ZFHX3: variants seen among roughly 807,000 people sequenced by gnomAD.
ZFHX3 encodes the protein zinc finger homeobox 3.
A neutral mutation model predicts 279.1 loss-of-function variants in ZFHX3; 42 were observed. The ratio of observed to expected loss-of-function variants is 0.15; its 90% CI spans 0.12 to 0.19. ZFHX3 has a LOEUF of 0.19. Among genes scored for constraint, ZFHX3 ranks in the 10% least tolerant of loss-of-function variants. The probability of loss-of-function intolerance (pLI) is 1.00; values close to 1 mark genes in which losing one functional copy is unlikely to be tolerated. For missense variants in ZFHX3, 4,981 were observed against 4,754.0 expected (o/e 1.05, Z -1.40); for synonymous variants, 2,293 against 1,957.8 (o/e 1.17, Z -4.52).
At chr16:72,805,535 G>A (rs532055418) in intron 7 of ZFHX3, among the ~76,000 whole-genome samples, 1 of 152,034 alleles carries the variant, frequency 6.6e-6, no homozygotes, top group East Asian at 1.9e-4. Flanking sequence ...CACAGACCAA[G>A]CCAGTCTCTA....
chr16:72,957,885 ATGT>A lies in ZFHX3; in HGVS notation c.2258_2260del (p.Asn753del). The A allele has an allele frequency of 6.2e-7, 1 of 1,613,970 alleles. No individual in the cohort carries two copies. The highest frequency in any genetic ancestry group is 2.2e-5 in the East Asian group (1 of 44,860). On this transcript the variant is annotated inframe_deletion, in exon 2 of 10. Coordinates refer to ENST00000268489, the MANE Select transcript of ZFHX3 (RefSeq NM_006885.4). ...CCCCCCTCCATTCTGCAGGTTCTGC[ATGT>A]TGTTGAGATGCTTGTCAGACTGCAT...
intron 3 of ZFHX3, among the ~76,000 whole-genome samples, chr16:72,908,651 G>A (rs992553901): frequency 6.6e-6 from 1 of 152,162 alleles, no homozygotes; most frequent in African/African-American, 2.4e-5. Context: ...CATCCCCAAT[G>A]CCAACATGAC....
At chr16:73,024,992 G>A (rs1050181425) in intron 1 of ZFHX3, among the ~76,000 whole-genome samples, 2 of 152,166 alleles carry the variant, frequency 1.3e-5, no homozygotes. Flanking sequence ...TCCTGGAGAC[G>A]AGACATTCCT....
At chr16:73,290,750 T>A (rs8044042) in intron 4 of ZFHX3, among the ~76,000 whole-genome samples, 78,388 of 150,484 alleles carry the variant, frequency 0.52, 20,347 homozygotes, top group East Asian at 0.66. Context: ...AAAGAGCCAC[T>A]AAGGTGCTTC....
chr16:72,955,273 T>A (rs527762461), intron 2 of ZFHX3, among the ~76,000 whole-genome samples: 3 of 152,162 alleles, frequency 2.0e-5, no homozygotes, highest in Non-Finnish European at 4.4e-5. Context: ...ATAAATCCTT[T>A]GGGAGGAAGA....
chr16:73,428,303 G>C (rs1191125641), intron 3 of ZFHX3, among the ~76,000 whole-genome samples: 2 of 152,030 alleles, frequency 1.3e-5, no homozygotes, highest in African/African-American at 2.4e-5. Context: ...TACTCCCTTT[G>C]GTCAGGCTAA....
chr16:73,346,131 G>C (rs1032929639), intron 3 of ZFHX3, among the ~76,000 whole-genome samples: 2 of 152,138 alleles, frequency 1.3e-5, no homozygotes, highest in African/African-American at 4.8e-5. Flanking sequence ...TGAGTGTTGA[G>C]AGACCCCCAG....
chr16:72,939,272 C>A (rs1960292894), intron 3 of ZFHX3, among the ~76,000 whole-genome samples: 1 of 152,152 alleles, frequency 6.6e-6, no homozygotes, highest in Non-Finnish European at 1.5e-5. Flanking sequence ...AGAGTACCCT[C>A]CACAGAGCAA....
Position 73,509,893 on chromosome 16 carries a change from A to C in ZFHX3, c.-1546-53635T>G, listed in dbSNP as rs551781321. Among the ~76,000 whole-genome samples the C allele has an allele frequency of 6.6e-5, 10 of 152,152 alleles. 2 individuals are homozygous for C. The highest frequency in any genetic ancestry group is 2.4e-4 in the African/African-American group (10 of 41,514). On this transcript the variant is annotated intron_variant, in intron 2 of 17. Coordinates refer to the ZFHX3 transcript ENST00000641206. ...GCATTTTTAGTAGAGACGAGGTTTC[A>C]CCATGTTGGCCAGGCTGGTCTTGAG...
intron 1 of ZFHX3, among the ~76,000 whole-genome samples, chr16:73,787,874 A>G (rs74028482): frequency 0.014 from 2,152 of 151,828 alleles, 60 homozygotes; most frequent in African/African-American, 0.048. Flanking sequence ...AGAGAGAGAG[A>G]GAGAATGTAG....
intron 1 of ZFHX3, among the ~76,000 whole-genome samples, chr16:73,695,868 C>T (rs1476200607): frequency 5.3e-5 from 8 of 152,042 alleles, no homozygotes; most frequent in African/African-American, 9.7e-5. Context: ...CACCCAGGCT[C>T]GGCAAGAAGG....
chr16:73,292,725 A>G (rs1234293212), intron 4 of ZFHX3, among the ~76,000 whole-genome samples: 4 of 151,816 alleles, frequency 2.6e-5, no homozygotes, highest in African/African-American at 9.7e-5. Context: ...TAAGAAGGGG[A>G]TGGGGTTCTT....
intron 4 of ZFHX3, among the ~76,000 whole-genome samples, chr16:72,842,187 A>G (rs182192596): frequency 6.6e-6 from 1 of 152,144 alleles, no homozygotes; most frequent in Admixed American, 6.5e-5. Flanking sequence ...CCAAACTTTC[A>G]TAAGTGAGCA....
At chr16:73,195,179 C>T (rs1449415263) in intron 5 of ZFHX3, among the ~76,000 whole-genome samples, 1 of 152,126 alleles carries the variant, frequency 6.6e-6, no homozygotes, top group Admixed American at 6.5e-5. Flanking sequence ...TAATTTGCCA[C>T]ATGGAAATTT....
intron 2 of ZFHX3, among the ~76,000 whole-genome samples, chr16:73,523,786 T>C (rs2143711992): frequency 6.6e-6 from 1 of 152,246 alleles, no homozygotes; most frequent in Admixed American, 6.5e-5. Flanking sequence ...ACTCTATCCT[T>C]TATTAAACAA....
At chr16:73,872,780 C>T (rs866024741) in intron 1 of ZFHX3, among the ~76,000 whole-genome samples, 3 of 22,992 alleles carry the variant, frequency 1.3e-4, no homozygotes, top group South Asian at 2.2e-3. Flanking sequence ...TGGTGGATGG[C>T]GGTGGGTGGC....
At position 72,788,340 on chromosome 16, in the gene ZFHX3, T is replaced by C. The variant is rs148089398; in HGVS notation, c.9936A>G (p.Val3312=). The change falls in exon 10 of 10, where the codon GTA becomes GTG. Residue 3312 remains valine, a synonymous_variant. Coordinates refer to ENST00000268489, the MANE Select transcript of ZFHX3 (RefSeq NM_006885.4). The stretch of plus-strand genomic sequence containing the variant: ...GAGCATAATAAGGAGAAAAGCCTGG[T>C]ACAAAGTAAGGAAGGAACTGGCTTG... ...LLTSQFLPYF[V]PGFSPYYAPQ... 3 of 1,614,032 alleles carry C rather than the reference T, an allele frequency of 1.9e-6. No individual in the cohort carries two copies. In the African/African-American group the frequency reaches 4.0e-5, roughly 22 times the overall value.
chr16:72,788,167 C>T lies in ZFHX3; in HGVS notation c.10109G>A (p.Ser3370Asn). 6.2e-7 allele frequency: 1 copy of T among 1,612,288 alleles called. No homozygotes were observed. The highest frequency in any genetic ancestry group is 8.5e-7 in the Non-Finnish European group (1 of 1,179,348). ...LLQQYQQYQQ[S>N]LQEAIQQQQQ... ...CTGCTGCTGAATTGCCTCCTGCAGA[C>T]TCTGCTGGTATTGCTGGTACTGCTG... Residue 3370 changes from serine to asparagine, a missense_variant, in exon 10 of 10, where the codon AGT (serine) becomes AAT (asparagine). Physicochemically the swap from Ser to Asn is conservative, Grantham distance 46 (BLOSUM62 1). Coordinates refer to ENST00000268489, the MANE Select transcript of ZFHX3 (RefSeq NM_006885.4).
At chr16:73,273,649 C>G (rs2014214330) in intron 4 of ZFHX3, among the ~76,000 whole-genome samples, 2 of 152,134 alleles carry the variant, frequency 1.3e-5, no homozygotes, top group South Asian at 4.1e-4. Flanking sequence ...CTAGCCCCCT[C>G]TTTGTAAAGG....
Sources: allele counts gnomAD v4.1 joint callset (sites outside exome capture counted in the v4.1 genomes callset), GRCh38; gene constraint gnomAD v4.1.1; transcripts MANE v1.5; gene names NCBI Gene and HGNC (gene_info 2026-07-23, HGNC 2026-07-21).